Variants in CEP126 observed in about 807,000 individuals in gnomAD.
CEP126 encodes centrosomal protein of 126 kDa.
Under a neutral mutation model 107.8 loss-of-function variants are expected in CEP126, and 74 were observed. The observed-to-expected ratio is 0.69, with a 90% CI of 0.57 to 0.83. The LOEUF is 0.83. CEP126 is among the 40% of genes least tolerant of loss of function. The probability of loss-of-function intolerance (pLI) is 0.00; values close to 1 mark genes in which losing one functional copy is unlikely to be tolerated. For synonymous variants in CEP126, 449 were observed against 446.0 expected (o/e 1.01, Z -0.08); for missense variants, 1,237 against 1,281.9 (o/e 0.96, Z 0.53).
chr11:101,989,820 C>T (rs1419832084), intron 9 of CEP126, among the ~76,000 whole-genome samples: 1 of 151,962 alleles, frequency 6.6e-6, no homozygotes. Context: ...ATTAGCCGGG[C>T]GTGGTGGTGG....
intron 6 of CEP126, among the ~76,000 whole-genome samples, chr11:101,977,568 T>C (rs996879510): frequency 3.4e-5 from 5 of 148,052 alleles, no homozygotes; most frequent in African/African-American, 1.3e-4. Context: ...GAGGCAGAGG[T>C]TGCAGTGAGC....
rs1230025088 is a variant in CEP126 at position 101,998,002 on chromosome 11, T to C, written c.*359T>C. On this transcript the variant is annotated 3_prime_UTR_variant, in exon 11 of 11. Coordinates refer to ENST00000263468, the MANE Select transcript of CEP126 (RefSeq NM_020802.4). ...AATTTATAGATTTCATGTTGAAATA[T>C]ATGTTAAATAAAATTTCTGTTTATT... The C allele has an allele frequency of 5.8e-6, 1 of 172,142 alleles. No individual in the cohort carries two copies. Among genetic ancestry groups the C allele is most frequent in the African/African-American group, 2.5e-5 (1 of 40,180 alleles). 10.7% of individuals were successfully genotyped at this position (172,142 alleles called of 1,614,324 possible).
At chr11:101,958,072 C>A in intron 4 of CEP126, 96 bp from the exon 5 acceptor site, 1 of 999,614 alleles carries the variant, frequency 1.0e-6, no homozygotes, top group Non-Finnish European at 1.5e-6. Flanking sequence ...TCTGGACAAA[C>A]ACACACGTAT....
chr11:101,944,264 G>A lies in CEP126; in HGVS notation c.249-1G>A. The A allele has an allele frequency of 6.4e-7, 1 of 1,573,604 alleles. No individual in the cohort carries two copies. The highest frequency in any genetic ancestry group is 8.6e-7 in the Non-Finnish European group (1 of 1,166,922). ...TTGCCTACTTTGTGTTTTAAATATA[G>A]AGCTTTTGAGGAGAAACGAAAAGAA... is the stretch of plus-strand genomic sequence containing the variant. On this transcript the variant is annotated splice_acceptor_variant, in intron 2 of 10. Coordinates refer to ENST00000263468, the MANE Select transcript of CEP126 (RefSeq NM_020802.4). LOFTEE classifies it high-confidence loss of function.
At chr11:101,915,573 C>G (rs1940191759) in intron 1 of CEP126, among the ~76,000 whole-genome samples, 161 bp downstream of exon 1, 1 of 152,122 alleles carries the variant, frequency 6.6e-6, no homozygotes, top group Non-Finnish European at 1.5e-5. Context: ...CACCTTAGAC[C>G]TGAAATTATA....
chr11:101,953,186 A>G (rs1209386593), intron 4 of CEP126, among the ~76,000 whole-genome samples: 5 of 141,764 alleles, frequency 3.5e-5, no homozygotes, highest in African/African-American at 9.8e-5. Flanking sequence ...AATAAGAATT[A>G]TCATACTCGA....
Position 101,948,327 on chromosome 11 carries a change from A to C in CEP126, c.506+185A>C, listed in dbSNP as rs145924276. 1.6e-3 allele frequency among the ~76,000 whole-genome samples: 237 copies of C among 152,264 alleles called. 1 individual carries two copies. The highest frequency in any genetic ancestry group is 5.2e-3 in the African/African-American group (217 of 41,566). On this transcript the variant is annotated intron_variant, in intron 4 of 10. Transcript: ENST00000263468. ...GTTCCAAGAATAGGTCAGAATTCCA[A>C]TTTGTTGTCTTAAAGTCCTTGGTAT...
rs763063737 is a variant in CEP126 at position 101,944,335 on chromosome 11, AG to A, written c.320del (p.Arg107LysfsTer34). On this transcript the variant is annotated frameshift_variant, in exon 3 of 11. Transcript: ENST00000263468. LOFTEE classifies it high-confidence loss of function. ...AATTAGAGAACAAATACTTCAACAAAGAAAACAGAAGTTTGAAGAAGTTACT... is the reference window on the plus strand; with the variant it reads ...AATTAGAGAACAAATACTTCAACAAAAAAACAGAAGTTTGAAGAAGTTACT... ...HQIREQILQQ[R>X]KQKFEEVTEK... 1 of 1,612,038 alleles carries A rather than the reference AG, an allele frequency of 6.2e-7. No homozygotes were observed. The highest frequency in any genetic ancestry group is 8.5e-7 in the Non-Finnish European group (1 of 1,179,222).
At chr11:101,931,317 C>T (rs1020789083) in intron 2 of CEP126, among the ~76,000 whole-genome samples, 11 of 152,008 alleles carry the variant, frequency 7.2e-5, no homozygotes, top group Admixed American at 1.3e-4. Flanking sequence ...TTTCATTTGT[C>T]GTCTTTTCCA....
chr11:101,920,861 C>T (rs1192460178), intron 1 of CEP126, among the ~76,000 whole-genome samples: 1 of 152,150 alleles, frequency 6.6e-6, no homozygotes, highest in Non-Finnish European at 1.5e-5. Flanking sequence ...CCACCTTGGC[C>T]TCCCAAATTG....
Position 101,941,717 on chromosome 11 carries a change from C to T in CEP126, c.249-2548C>T, listed in dbSNP as rs192373512. Among the ~76,000 whole-genome samples the T allele has an allele frequency of 4.6e-5, 7 of 152,236 alleles. No homozygotes were observed. In the East Asian group the frequency reaches 7.7e-4, roughly 17 times the overall value. ...TTTAATTTTTTGAAGAATCAGCATACCAATTTCCACAGCTGCTGCACCATG... is the reference window on the plus strand; with the variant it reads ...TTTAATTTTTTGAAGAATCAGCATATCAATTTCCACAGCTGCTGCACCATG... On this transcript the variant is annotated intron_variant, in intron 2 of 10. Coordinates refer to ENST00000263468, the MANE Select transcript of CEP126 (RefSeq NM_020802.4).
At chr11:101,920,693 C>G (rs1356862216) in intron 1 of CEP126, among the ~76,000 whole-genome samples, 1 of 151,728 alleles carries the variant, frequency 6.6e-6, no homozygotes, top group South Asian at 2.1e-4. Flanking sequence ...AGACTCAACC[C>G]CCTCCAAGCT....
At chr11:101,926,892 G>A (rs1429430348) in intron 2 of CEP126, among the ~76,000 whole-genome samples, 2 of 151,944 alleles carry the variant, frequency 1.3e-5, no homozygotes, top group African/African-American at 2.4e-5. Context: ...TTATATTATT[G>A]TACTGCCTTT....
intron 6 of CEP126, among the ~76,000 whole-genome samples, chr11:101,969,527 A>C (rs1941100258): frequency 6.6e-6 from 1 of 152,216 alleles, no homozygotes; most frequent in African/African-American, 2.4e-5. Context: ...GGATTGGAAA[A>C]GTCTGTATTA....
intron 1 of CEP126, among the ~76,000 whole-genome samples, chr11:101,921,535 C>T (rs964510753): frequency 4.6e-5 from 7 of 151,562 alleles, no homozygotes; most frequent in Admixed American, 1.3e-4. Flanking sequence ...GGTGAAACCC[C>T]GTCTCTACTG....
At chr11:101,926,943 A>G (rs1387905339) in intron 2 of CEP126, among the ~76,000 whole-genome samples, 1 of 152,212 alleles carries the variant, frequency 6.6e-6, no homozygotes, top group Admixed American at 6.5e-5. Context: ...AGTAGCCTGT[A>G]ACAGTTAAGT....
At chr11:101,940,451 G>A (rs1357844361) in intron 2 of CEP126, among the ~76,000 whole-genome samples, 1 of 152,128 alleles carries the variant, frequency 6.6e-6, no homozygotes, top group Non-Finnish European at 1.5e-5. Context: ...TTAAAATACT[G>A]ACTTACAGTT....
At position 101,934,151 on chromosome 11, in the gene CEP126, A is replaced by C. The variant is rs1236740442; in HGVS notation, c.249-10114A>C. 4.6e-5 allele frequency among the ~76,000 whole-genome samples: 7 copies of C among 152,184 alleles called. No homozygotes were observed. The East Asian group carries it at 1.4e-3, about 29-fold the overall frequency. On this transcript the variant is annotated intron_variant, in intron 2 of 10. Transcript: ENST00000263468. ...CACATGCCATCAAAATATACTGCTT[A>C]TCCCTACTTTTCCTTACTGCAGTCA...
At chr11:101,920,751 A>T (rs1271388341) in intron 1 of CEP126, among the ~76,000 whole-genome samples, 2 of 151,920 alleles carry the variant, frequency 1.3e-5, no homozygotes, top group Non-Finnish European at 1.5e-5. Context: ...GGCTGCAGGC[A>T]TACACCACCA....
Sources: gnomAD v4.1 joint callset for allele counts (sites outside exome capture counted in the v4.1 genomes callset) on GRCh38, gnomAD v4.1.1 for gene constraint, MANE v1.5 for transcripts, NCBI Gene and HGNC (gene_info 2026-07-23, HGNC 2026-07-21) for gene names.